Variants in LSG1 observed in about 807,000 individuals in gnomAD.
LSG1 encodes large subunit GTPase 1 homolog.
In LSG1, 55 loss-of-function variants were observed where a neutral mutation model predicts 82.6. That is an observed-to-expected ratio of 0.67 (90% confidence interval 0.54 to 0.83). LSG1 has a LOEUF of 0.83. Among genes scored for constraint, LSG1 ranks in the 40% least tolerant of loss-of-function variants. LSG1 has a pLI of 0.00. For missense variants in LSG1, 809 were observed against 807.9 expected, an observed-to-expected ratio of 1.00 and a Z score of -0.02; for synonymous variants, 272 against 282.5, an observed-to-expected ratio of 0.96 and a Z score of 0.37.
chr3:194,659,144 C>A lies in LSG1; in HGVS notation c.583-11G>T. 6.2e-7 allele frequency: 1 copy of A among 1,602,298 alleles called. No homozygotes were observed. Among genetic ancestry groups the A allele is most frequent in the Non-Finnish European group, 8.5e-7 (1 of 1,172,140 alleles). The stretch of plus-strand genomic sequence containing the variant: ...TTTCACATAACATTCCTAAGCAAGA[C>A]AAAGAGATTTAGAAAGACCTCTTCA... On this transcript the variant is annotated splice_polypyrimidine_tract_variant and intron_variant, in intron 6 of 13. Coordinates refer to ENST00000265245, the MANE Select transcript of LSG1 (RefSeq NM_018385.3).
chr3:194,653,135 G>A lies in LSG1; in HGVS notation c.767C>T (p.Ala256Val). ...GTTGCTTTGTCTATCATCTCTGTTT[G>A]CCTCTTCCTGACAAAATAATAGAAA... ...IPLNGDSEEEANRDDRQSNTT... is the reference protein window; with the variant it reads ...IPLNGDSEEEVNRDDRQSNTT... Residue 256 changes from alanine to valine, a missense_variant, in exon 8 of 14, where the codon GCA becomes GTA. Ala to Val is a moderately conservative substitution (Grantham distance 64). Coordinates refer to ENST00000265245, the MANE Select transcript of LSG1 (RefSeq NM_018385.3). 6.2e-7 allele frequency: 1 copy of A among 1,612,660 alleles called. No individual in the cohort carries two copies. Among genetic ancestry groups the A allele is most frequent in the Non-Finnish European group, 8.5e-7 (1 of 1,179,076 alleles).
Position 194,672,069 on chromosome 3 carries a change from A to G in LSG1, c.94T>C (p.Ser32Pro). The change falls in exon 1 of 14, where the codon TCC becomes CCC. Residue 32 changes from serine (S) to proline (P), a missense_variant. By Grantham distance (74) the Ser-to-Pro change is moderately conservative (BLOSUM62 -1). Coordinates refer to ENST00000265245, the MANE Select transcript of LSG1 (RefSeq NM_018385.3). ...QRSRSHRHTD[S>P]WLHTSELNDG... ...GATGACATGGTCTGTCTTACCCAGGAGTCAGTGTGACGATGGCTTCGGCTC... is the reference window on the plus strand; with the variant it reads ...GATGACATGGTCTGTCTTACCCAGGGGTCAGTGTGACGATGGCTTCGGCTC... 1 of 1,612,006 alleles carries G rather than the reference A, an allele frequency of 6.2e-7. No homozygotes were observed.
At chr3:194,655,236 G>C (rs1002032986) in intron 7 of LSG1, among the ~76,000 whole-genome samples, 21 of 152,124 alleles carry the variant, frequency 1.4e-4, no homozygotes, top group African/African-American at 5.1e-4. Flanking sequence ...AAATAAGACA[G>C]TCATCAACAG....
chr3:194,644,385 AATAAAT>A lies in LSG1; in HGVS notation c.1797+182_1797+187del, dbSNP rs1454479953. On this transcript the variant is annotated intron_variant, in intron 13 of 13. Coordinates refer to ENST00000265245, the MANE Select transcript of LSG1 (RefSeq NM_018385.3). ...CTCCGTCTCAAAAAAAAAAAATAAAAATAAATAAATAAATAAATAAATAAATAAATA... is the reference window on the plus strand; with the variant it reads ...CTCCGTCTCAAAAAAAAAAAATAAAAAAATAAATAAATAAATAAATAAATA... Among the ~76,000 whole-genome samples the A allele has an allele frequency of 4.2e-4, 39 of 92,790 alleles. 2 individuals are homozygous for A. The highest frequency in any genetic ancestry group is 1.4e-3 in the African/African-American group (35 of 24,190). The allele number at this position is 92,790 out of a possible 152,430, so 60.9% of individuals were successfully genotyped here.
chr3:194,642,698 CAA>C (rs1291470705), intron 13 of LSG1, among the ~76,000 whole-genome samples: 1 of 152,120 alleles, frequency 6.6e-6, no homozygotes, highest in African/African-American at 2.4e-5. Flanking sequence ...AAAATTATGA[CAA>C]GTTTTCAGCT....
At chr3:194,669,461 T>C (rs1027718897) in intron 2 of LSG1, among the ~76,000 whole-genome samples, 2 of 152,204 alleles carry the variant, frequency 1.3e-5, no homozygotes, top group Admixed American at 1.3e-4. Flanking sequence ...CTCCAGAATC[T>C]GGCCCTTGCC....
At chr3:194,651,454 G>A (rs1718672834) in intron 8 of LSG1, 3 of 500,004 alleles carry the variant, frequency 6.0e-6, no homozygotes, top group African/African-American at 5.8e-5. Context: ...TATATGTTTT[G>A]CTGTTAACAG....
chr3:194,669,961 A>G (rs1216835280), intron 2 of LSG1, 48 bp downstream of exon 2: 23 of 1,578,964 alleles, frequency 1.5e-5, no homozygotes, highest in Non-Finnish European at 1.9e-5. Context: ...CCTCAGCCCC[A>G]GATGGAAATG....
chr3:194,664,571 C>T (rs1396617637), intron 5 of LSG1, among the ~76,000 whole-genome samples: 1 of 151,990 alleles, frequency 6.6e-6, no homozygotes, highest in Non-Finnish European at 1.5e-5. Context: ...AAAGATCTCC[C>T]ATTCTCAATT....
Position 194,643,621 on chromosome 3 carries a change from C to A in LSG1, c.1797+952G>T, listed in dbSNP as rs561435584. The stretch of plus-strand genomic sequence containing the variant: ...TGGGAGTAATGTAAAACAGCACAGC[C>A]ACGTTTGGAAAGTTTGGCAATACCT... On this transcript the variant is annotated intron_variant, in intron 13 of 13. Transcript: ENST00000265245. 7.9e-5 allele frequency among the ~76,000 whole-genome samples: 12 copies of A among 152,240 alleles called. No individual in the cohort carries two copies. The South Asian group carries it at 2.5e-3, about 32-fold the overall frequency.
chr3:194,661,896 G>A (rs943982808), intron 5 of LSG1, among the ~76,000 whole-genome samples: 2 of 152,180 alleles, frequency 1.3e-5, no homozygotes, highest in Non-Finnish European at 2.9e-5. Context: ...GTTTCAACAT[G>A]TACAGGCTCA....
In LSG1 at chr3:194,668,220, G is replaced by A. The variant is rs138651708; in HGVS notation, c.227-1648C>T. ...GGTGTTTCCACTTTTTGGTGATTAC[G>A]AATAATGCTGCTATGAATACACATG... On this transcript the variant is annotated intron_variant, in intron 2 of 13. Transcript: ENST00000265245. Among the ~76,000 whole-genome samples the A allele has an allele frequency of 1.2e-3, 180 of 152,056 alleles. 1 individual carries two copies. Among genetic ancestry groups the A allele is most frequent in the African/African-American group, 3.7e-3 (154 of 41,472 alleles).
intron 7 of LSG1, among the ~76,000 whole-genome samples, chr3:194,654,804 C>T (rs541265669): frequency 4.6e-5 from 7 of 152,238 alleles, no homozygotes; most frequent in Admixed American, 3.3e-4. Flanking sequence ...AGGAAAAAGT[C>T]AAGCTTTCGG....
chr3:194,667,956 T>A (rs1352062044), intron 2 of LSG1, among the ~76,000 whole-genome samples: 2,106 of 85,836 alleles, frequency 0.025, 73 homozygotes, highest in African/African-American at 0.052. Context: ...TATATATATA[T>A]ATATATATAT....
chr3:194,646,130 G>A, intron 12 of LSG1, 34 bp downstream of exon 12: 1 of 1,596,100 alleles, frequency 6.3e-7, no homozygotes, highest in South Asian at 1.1e-5. Flanking sequence ...AAAGACTTGT[G>A]TATTGGAGAG....
intron 2 of LSG1, among the ~76,000 whole-genome samples, chr3:194,666,888 A>C (rs1050019999): frequency 2.0e-5 from 3 of 152,126 alleles, no homozygotes; most frequent in Admixed American, 6.5e-5. Context: ...TAGCTTGTTA[A>C]AAATGTAAAT....
intron 7 of LSG1, among the ~76,000 whole-genome samples, chr3:194,654,427 G>T (rs1718751500): frequency 1.3e-5 from 2 of 152,006 alleles, no homozygotes; most frequent in Non-Finnish European, 1.5e-5. Flanking sequence ...TCACAGAAGG[G>T]GACACGATGA....
chr3:194,648,880 A>G (rs1471149816), intron 10 of LSG1, 76 bp from the exon 11 acceptor site: 1 of 1,456,276 alleles, frequency 6.9e-7, no homozygotes, highest in African/African-American at 1.4e-5. Context: ...CTCAAAGAAC[A>G]TGGCACTTCA....
At chr3:194,660,578 A>G (rs1013992277) in intron 5 of LSG1, among the ~76,000 whole-genome samples, 1 of 152,214 alleles carries the variant, frequency 6.6e-6, no homozygotes, top group African/African-American at 2.4e-5. Context: ...TAAGGCCTCA[A>G]AAGAAAACTA....
Sources: allele counts gnomAD v4.1 joint callset (sites outside exome capture counted in the v4.1 genomes callset), GRCh38; gene constraint gnomAD v4.1.1; transcripts MANE v1.5; gene names NCBI Gene and HGNC (gene_info 2026-07-23, HGNC 2026-07-21).